The following FMN2 variants were observed in gnomAD, a reference collection of about 807,000 sequenced individuals.
The protein encoded by FMN2 is formin-2.
FMN2 carries 51 observed loss-of-function variants against 142.3 expected under a neutral mutation model. The observed-to-expected ratio is 0.36, with a 90% CI of 0.29 to 0.45. The LOEUF (loss-of-function observed/expected upper bound fraction) is 0.45, where lower values mean the gene tolerates loss of function less well. Among genes scored for constraint, FMN2 ranks in the 20% least tolerant of loss-of-function variants. FMN2 has a pLI of 1.00. For missense variants in FMN2, 1,936 were observed against 2,122.8 expected, an observed-to-expected ratio of 0.91 and a Z score of 1.73; for synonymous variants, 882 against 869.8, an observed-to-expected ratio of 1.01 and a Z score of -0.25.
intron 15 of FMN2, among the ~76,000 whole-genome samples, chr1:240,418,507 A>G (rs916265562): frequency 1.3e-5 from 2 of 152,020 alleles, no homozygotes; most frequent in Non-Finnish European, 2.9e-5. Flanking sequence ...TTGTTGATGT[A>G]TTTTTATTTA....
At chr1:240,132,201 A>G (rs1662768937) in intron 2 of FMN2, among the ~76,000 whole-genome samples, 2 of 152,176 alleles carry the variant, frequency 1.3e-5, no homozygotes, top group Admixed American at 1.3e-4. Flanking sequence ...CTCTTTTGAC[A>G]TCTAGAATTT....
chr1:240,121,150 C>CAAA (rs112892593), intron 1 of FMN2, among the ~76,000 whole-genome samples: 4 of 141,568 alleles, frequency 2.8e-5, no homozygotes, highest in Middle Eastern at 3.8e-3. Flanking sequence ...AAGTCTATCT[C>CAAA]AAAAAAAAAA....
chr1:240,282,904 T>C (rs1669449886), intron 7 of FMN2, among the ~76,000 whole-genome samples: 1 of 152,208 alleles, frequency 6.6e-6, no homozygotes, highest in South Asian at 2.1e-4. Context: ...AAATTTTTGT[T>C]ATGTAATATA....
chr1:240,124,761 G>T (rs770919671), intron 2 of FMN2, among the ~76,000 whole-genome samples: 1 of 152,080 alleles, frequency 6.6e-6, no homozygotes, highest in South Asian at 2.1e-4. Flanking sequence ...TCCACCTCCC[G>T]AGTTCAAGCG....
At chr1:240,217,738 A>T (rs551275183) in intron 6 of FMN2, among the ~76,000 whole-genome samples, 6 of 152,068 alleles carry the variant, frequency 3.9e-5, no homozygotes, top group Admixed American at 3.9e-4. Context: ...AATAATATTA[A>T]CCTCTGCTTT....
intron 8 of FMN2, among the ~76,000 whole-genome samples, chr1:240,325,785 G>A (rs1467772751): frequency 6.6e-6 from 1 of 152,174 alleles, no homozygotes; most frequent in Non-Finnish European, 1.5e-5. Flanking sequence ...GAGTCTAAGA[G>A]GGCCCCAAGC....
intron 11 of FMN2, among the ~76,000 whole-genome samples, chr1:240,331,977 T>C (rs1671391651): frequency 2.0e-5 from 3 of 152,164 alleles, no homozygotes; most frequent in South Asian, 2.1e-4. Flanking sequence ...TTTTGTACCA[T>C]TGTAAAGTCA....
intron 16 of FMN2, 59 bp downstream of exon 16, chr1:240,438,269 C>T (rs1675470613): frequency 3.3e-6 from 5 of 1,533,672 alleles, no homozygotes; most frequent in Non-Finnish European, 4.4e-6. Flanking sequence ...AGGTGTGGCA[C>T]CACTGGGTTG....
At chr1:240,364,289 G>A (rs1672589647) in intron 14 of FMN2, among the ~76,000 whole-genome samples, 2 of 152,050 alleles carry the variant, frequency 1.3e-5, no homozygotes, top group South Asian at 2.1e-4. Flanking sequence ...AGATAGGGCC[G>A]TTTTGTGGTG....
At chr1:240,143,060 G>C in intron 2 of FMN2, 1 of 1,497,080 alleles carries the variant, frequency 6.7e-7, no homozygotes, top group South Asian at 1.1e-5. Context: ...GGTAGGGGCA[G>C]AGGGTAAGTG....
chr1:240,184,963 C>G (rs1017311982), intron 3 of FMN2, among the ~76,000 whole-genome samples: 304 of 147,150 alleles, frequency 2.1e-3, no homozygotes, highest in African/African-American at 7.3e-3. Flanking sequence ...TTCTCTTTCT[C>G]CCTCCTATAC....
chr1:240,259,063 A>C (rs10802850), intron 7 of FMN2, among the ~76,000 whole-genome samples: 60,981 of 152,046 alleles, frequency 0.4, 12,622 homozygotes, highest in East Asian at 0.55. Flanking sequence ...ATCACAATTT[A>C]AGTTTTTATT....
intron 1 of FMN2, among the ~76,000 whole-genome samples, chr1:240,104,079 C>T (rs1160961742): frequency 4.6e-5 from 7 of 151,302 alleles, no homozygotes; most frequent in African/African-American, 7.3e-5. Context: ...GAGGTTTCAC[C>T]GTGTTAGCCA....
chr1:240,333,825 T>G (rs2103018528), intron 11 of FMN2, 62 bp from the exon 12 acceptor site: 1 of 1,290,042 alleles, frequency 7.8e-7, no homozygotes, highest in Non-Finnish European at 1.1e-6. Context: ...TCTTTTTTGG[T>G]AACACTTTAT....
Position 240,271,494 on chromosome 1 carries a change from C to CT in FMN2, c.4153+13471dup, listed in dbSNP as rs559762490. On this transcript the variant is annotated intron_variant, in intron 7 of 17. Transcript: ENST00000319653. Reference sequence around the variant, plus strand: ...GCTTCATGCCCCCATTTTTTTAAACCTTTTTTTTTAAAGTGTTTTCCTCAC... The same window carrying CT: ...GCTTCATGCCCCCATTTTTTTAAACCTTTTTTTTTTAAAGTGTTTTCCTCAC... Among the ~76,000 whole-genome samples the CT allele has an allele frequency of 8.2e-3, 1,212 of 148,032 alleles. 18 individuals are homozygous for CT. Among genetic ancestry groups the CT allele is most frequent in the African/African-American group, 0.028 (1,123 of 40,318 alleles).
Position 240,123,250 on chromosome 1 carries a change from T to C in FMN2, c.1687T>C (p.Ser563Pro). ...TCCAGAAGAAGCAGAGAAGTTTTGC[T>C]CCCGGATCATTGCCATGGGTCTTCT... ...GPPEEAEKFC[S>P]RIIAMGLLLP... is the part of the protein sequence containing the mutation. The change falls in exon 2 of 18, where the codon TCC becomes CCC. Residue 563 changes from serine to proline, a missense_variant. Physicochemically the swap from Ser to Pro is moderately conservative, Grantham distance 74. Transcript: ENST00000319653. 6.2e-7 allele frequency: 1 copy of C among 1,614,148 alleles called. No homozygotes were observed. Among genetic ancestry groups the C allele is most frequent in the Non-Finnish European group, 8.5e-7 (1 of 1,180,024 alleles).
intron 2 of FMN2, among the ~76,000 whole-genome samples, chr1:240,131,187 T>C (rs1174774975): frequency 6.6e-6 from 1 of 152,156 alleles, no homozygotes; most frequent in African/African-American, 2.4e-5. Context: ...GAGGAAAGTA[T>C]GGATACGAAT....
At chr1:240,293,500 G>A (rs374225891) in intron 7 of FMN2, among the ~76,000 whole-genome samples, 7 of 152,034 alleles carry the variant, frequency 4.6e-5, no homozygotes, top group African/African-American at 1.4e-4. Flanking sequence ...CTTGGGTTTT[G>A]TGCCTTTTCT....
At chr1:240,109,392 A>G (rs1451810242) in intron 1 of FMN2, among the ~76,000 whole-genome samples, 1 of 152,236 alleles carries the variant, frequency 6.6e-6, no homozygotes, top group Non-Finnish European at 1.5e-5. Flanking sequence ...GAGTAAAACC[A>G]GAAAGGTTAC....
Sources: gnomAD v4.1 joint callset for allele counts (sites outside exome capture counted in the v4.1 genomes callset) on GRCh38, gnomAD v4.1.1 for gene constraint, MANE v1.5 for transcripts, NCBI Gene and HGNC (gene_info 2026-07-23, HGNC 2026-07-21) for gene names.